TRABD2B: variants seen among roughly 807,000 people sequenced by gnomAD.
TRABD2B encodes the protein TraB domain containing 2B, also known as metalloprotease TIKI2.
Under a neutral mutation model 40.1 loss-of-function variants are expected in TRABD2B, and 14 were observed. The ratio of observed to expected loss-of-function variants is 0.35; its 90% CI spans 0.23 to 0.55. TRABD2B has a LOEUF of 0.55. Ranked by LOEUF, TRABD2B falls within the 20% of genes least tolerant of loss-of-function variation. The pLI is 0.90. For synonymous variants in TRABD2B, 263 were observed against 277.0 expected (o/e 0.95, Z 0.50); for missense variants, 541 against 648.6 (o/e 0.83, Z 1.80).
intron 2 of TRABD2B, among the ~76,000 whole-genome samples, chr1:47,916,211 T>C (rs915409238): frequency 1.3e-5 from 2 of 152,134 alleles, no homozygotes; most frequent in Non-Finnish European, 2.9e-5. Flanking sequence ...TGAAATCTGC[T>C]GAGGCCCAGC....
At chr1:47,789,685 T>C (rs1644644297) in intron 4 of TRABD2B, among the ~76,000 whole-genome samples, 1 of 152,136 alleles carries the variant, frequency 6.6e-6, no homozygotes, top group Non-Finnish European at 1.5e-5. Flanking sequence ...CAGCTGAGAA[T>C]TTGCTCCCTT....
At chr1:47,929,626 T>C (rs1177712058) in intron 2 of TRABD2B, among the ~76,000 whole-genome samples, 1 of 152,188 alleles carries the variant, frequency 6.6e-6, no homozygotes, top group Non-Finnish European at 1.5e-5. Flanking sequence ...TCCACAAAAC[T>C]GCCCTCATCT....
intron 2 of TRABD2B, among the ~76,000 whole-genome samples, chr1:47,867,442 C>T (rs1040452314): frequency 6.6e-6 from 1 of 152,250 alleles, no homozygotes; most frequent in African/African-American, 2.4e-5. Flanking sequence ...GGATTAAATA[C>T]GATAATGTTT....
At chr1:47,824,852 AG>A (rs1197305554) in intron 2 of TRABD2B, among the ~76,000 whole-genome samples, 3 of 152,212 alleles carry the variant, frequency 2.0e-5, no homozygotes. Flanking sequence ...TAAAGGGCCC[AG>A]GGAGCTCAGC....
intron 1 of TRABD2B, among the ~76,000 whole-genome samples, chr1:47,995,654 C>T (rs1646079035): frequency 6.6e-6 from 1 of 152,194 alleles, no homozygotes; most frequent in Non-Finnish European, 1.5e-5. Context: ...CCACTGACCA[C>T]TTGCAAGCTT....
intron 2 of TRABD2B, among the ~76,000 whole-genome samples, chr1:47,862,537 A>C (rs1643988429): frequency 7.1e-6 from 1 of 141,052 alleles, no homozygotes; most frequent in South Asian, 2.2e-4. Flanking sequence ...ATCTAACAAA[A>C]TATGCACAAG....
intron 3 of TRABD2B, among the ~76,000 whole-genome samples, chr1:47,798,741 C>T (rs1419447088): frequency 2.6e-5 from 4 of 152,190 alleles, no homozygotes; most frequent in Non-Finnish European, 1.5e-5. Flanking sequence ...GCCTGGTTCT[C>T]GTATCACTGT....
chr1:47,940,649 C>G (rs1645173182), intron 2 of TRABD2B, among the ~76,000 whole-genome samples: 1 of 152,160 alleles, frequency 6.6e-6, no homozygotes, highest in Admixed American at 6.5e-5. Flanking sequence ...CTTCCTGAGC[C>G]CCGCTACAGT....
chr1:47,949,171 C>G (rs561110604), intron 2 of TRABD2B, among the ~76,000 whole-genome samples: 2 of 152,182 alleles, frequency 1.3e-5, no homozygotes, highest in South Asian at 4.1e-4. Flanking sequence ...TGCTGTGGGA[C>G]AGACACTATT....
At chr1:47,845,509 T>C (rs1267310602) in intron 2 of TRABD2B, among the ~76,000 whole-genome samples, 1 of 152,208 alleles carries the variant, frequency 6.6e-6, no homozygotes, top group Admixed American at 6.5e-5. Flanking sequence ...AGAGGTAAAG[T>C]AATTTGCCCA....
intron 2 of TRABD2B, among the ~76,000 whole-genome samples, chr1:47,981,729 T>A (rs1645843415): frequency 6.6e-6 from 1 of 152,156 alleles, no homozygotes; most frequent in African/African-American, 2.4e-5. Context: ...ACTAATTCAA[T>A]TAATTATTTA....
intron 2 of TRABD2B, among the ~76,000 whole-genome samples, chr1:47,828,524 G>A (rs1005931837): frequency 3.9e-5 from 6 of 152,178 alleles, no homozygotes; most frequent in South Asian, 4.2e-4. Flanking sequence ...TATGACCTAC[G>A]GTTTGTAGAA....
chr1:47,967,788 C>T (rs1041814364), intron 2 of TRABD2B, among the ~76,000 whole-genome samples: 2 of 152,216 alleles, frequency 1.3e-5, no homozygotes, highest in African/African-American at 4.8e-5. Flanking sequence ...CACTGAGTCT[C>T]CAAGAAAACT....
chr1:47,951,289 C>T (rs7521453), intron 2 of TRABD2B, among the ~76,000 whole-genome samples: 2,337 of 152,308 alleles, frequency 0.015, 53 homozygotes, highest in African/African-American at 0.052. Context: ...GGCCACAATG[C>T]GGGGGATTCT....
intron 2 of TRABD2B, among the ~76,000 whole-genome samples, chr1:47,956,776 G>A (rs1287983971): frequency 6.6e-6 from 1 of 152,232 alleles, no homozygotes; most frequent in Admixed American, 6.5e-5. Context: ...TCCACCTCTG[G>A]GGGCAGGGTA....
intron 2 of TRABD2B, among the ~76,000 whole-genome samples, chr1:47,951,410 G>T (rs1645342276): frequency 6.6e-6 from 1 of 152,198 alleles, no homozygotes; most frequent in Non-Finnish European, 1.5e-5. Flanking sequence ...ATAAACCTTG[G>T]TGAGCTCAGA....
intron 2 of TRABD2B, among the ~76,000 whole-genome samples, chr1:47,826,420 T>C (rs1042748015): frequency 2.6e-5 from 4 of 152,116 alleles, no homozygotes; most frequent in African/African-American, 4.8e-5. Context: ...ATTTTACATA[T>C]GTAATTTATT....
At chr1:47,883,233 A>C (rs1216842137) in intron 2 of TRABD2B, among the ~76,000 whole-genome samples, 1 of 152,214 alleles carries the variant, frequency 6.6e-6, no homozygotes, top group Non-Finnish European at 1.5e-5. Flanking sequence ...TGGGTTAAGC[A>C]GCAGAGTTGG....
At chr1:47,988,941 T>C (rs1645960635) in intron 2 of TRABD2B, among the ~76,000 whole-genome samples, 1 of 152,218 alleles carries the variant, frequency 6.6e-6, no homozygotes, top group Non-Finnish European at 1.5e-5. Context: ...TGTTGAAACC[T>C]AACCACCAAG....
Sources: allele counts gnomAD v4.1 joint callset (sites outside exome capture counted in the v4.1 genomes callset), GRCh38; gene constraint gnomAD v4.1.1; transcripts MANE v1.5; gene names NCBI Gene and HGNC (gene_info 2026-07-23, HGNC 2026-07-21).